Variants in DLG2 observed in about 807,000 individuals in gnomAD.
DLG2 encodes the protein disks large homolog 2.
In DLG2, 45 loss-of-function variants were observed where a neutral mutation model predicts 132.5. The ratio of observed to expected loss-of-function variants is 0.34; its 90% CI spans 0.27 to 0.44. The LOEUF (loss-of-function observed/expected upper bound fraction) is 0.44, where lower values mean the gene tolerates loss of function less well. DLG2 is among the 20% of genes least tolerant of loss of function. The pLI, the probability that DLG2 is intolerant of heterozygous loss-of-function variation, is 1.00. For missense variants in DLG2, 1,045 were observed against 1,196.9 expected (o/e 0.87, Z 1.87); for synonymous variants, 424 against 419.6 (o/e 1.01, Z -0.13).
chr11:85,430,189 T>TCA (rs1235897025), intron 3 of DLG2, among the ~76,000 whole-genome samples: 1 of 127,382 alleles, frequency 7.9e-6, no homozygotes, highest in Non-Finnish European at 1.6e-5. Flanking sequence ...AAGTGGAACA[T>TCA]CACACTCTGG....
chr11:83,716,594 A>C (rs1200110183), intron 18 of DLG2, among the ~76,000 whole-genome samples: 5 of 152,360 alleles, frequency 3.3e-5, no homozygotes, highest in Admixed American at 6.5e-5. Flanking sequence ...AATGGATCCC[A>C]AAAAAAGTAT....
chr11:85,294,147 A>G (rs889488027), intron 3 of DLG2, among the ~76,000 whole-genome samples: 2 of 152,264 alleles, frequency 1.3e-5, no homozygotes, highest in South Asian at 4.1e-4. Flanking sequence ...AGATACAGAG[A>G]TATATAGAGA....
chr11:84,307,320 G>GTT (rs1445351230), intron 7 of DLG2, among the ~76,000 whole-genome samples: 1 of 152,102 alleles, frequency 6.6e-6, no homozygotes, highest in East Asian at 1.9e-4. Flanking sequence ...ACACAAAGGG[G>GTT]AACAATAGAC....
At chr11:84,352,780 T>C (rs181036367) in intron 7 of DLG2, among the ~76,000 whole-genome samples, 12 of 152,288 alleles carry the variant, frequency 7.9e-5, no homozygotes, top group African/African-American at 2.4e-4. Context: ...AAACAGACAA[T>C]GTGGAACTTT....
At chr11:84,892,645 C>A (rs574640769) in intron 6 of DLG2, among the ~76,000 whole-genome samples, 2 of 151,826 alleles carry the variant, frequency 1.3e-5, no homozygotes, top group African/African-American at 4.8e-5. Flanking sequence ...GAATTTTTCT[C>A]CTTTAAAGAA....
chr11:84,523,573 C>T (rs2099310991), intron 7 of DLG2, among the ~76,000 whole-genome samples: 1 of 152,132 alleles, frequency 6.6e-6, no homozygotes, highest in Admixed American at 6.5e-5. Context: ...GGTTACAATT[C>T]CAGACTGTTT....
At chr11:85,440,912 C>G (rs1565495726) in intron 3 of DLG2, among the ~76,000 whole-genome samples, 1 of 152,134 alleles carries the variant, frequency 6.6e-6, no homozygotes, top group Non-Finnish European at 1.5e-5. Context: ...AATAAGATCT[C>G]AAATAGACTT....
intron 19 of DLG2, among the ~76,000 whole-genome samples, chr11:83,583,895 A>G (rs2097030185): frequency 6.6e-6 from 1 of 152,212 alleles, no homozygotes; most frequent in Non-Finnish European, 1.5e-5. Flanking sequence ...TGACACATCT[A>G]TTTCTTAATC....
intron 6 of DLG2, among the ~76,000 whole-genome samples, chr11:84,671,618 T>C: frequency 6.6e-6 from 1 of 152,180 alleles, no homozygotes; most frequent in Non-Finnish European, 1.5e-5. Context: ...CATGTGCATG[T>C]GCTCTCAGCA....
Position 84,257,578 on chromosome 11 carries a change from C to G in DLG2, c.520-6287G>C, listed in dbSNP as rs574839211. Among the ~76,000 whole-genome samples, 8 of 151,996 alleles carry G rather than the reference C, an allele frequency of 5.3e-5. No homozygotes were observed. In the South Asian group the frequency reaches 1.7e-3, roughly 32 times the overall value. Reference sequence around the variant, plus strand: ...AAATAACTTTCTCAAAGTCACACAGCTGGTAAATAGCTGGTAAATCTTCAA... The same window carrying G: ...AAATAACTTTCTCAAAGTCACACAGGTGGTAAATAGCTGGTAAATCTTCAA... On this transcript the variant is annotated intron_variant, in intron 7 of 27. Coordinates refer to ENST00000376104, the MANE Select transcript of DLG2 (RefSeq NM_001142699.3).
chr11:83,490,947 G>A (rs941190230), intron 21 of DLG2, among the ~76,000 whole-genome samples: 1 of 151,746 alleles, frequency 6.6e-6, no homozygotes, highest in African/African-American at 2.4e-5. Flanking sequence ...AACATGAGTT[G>A]GTAATTGTTG....
intron 4 of DLG2, among the ~76,000 whole-genome samples, chr11:85,161,288 C>T (rs2078010266): frequency 6.6e-6 from 1 of 152,190 alleles, no homozygotes; most frequent in African/African-American, 2.4e-5. Flanking sequence ...ACAAAGTGGC[C>T]ATGGTGGTAG....
At chr11:83,480,766 G>A (rs79947027) in intron 22 of DLG2, 18,174 of 697,936 alleles carry the variant, frequency 0.026, 1,018 homozygotes, top group East Asian at 0.21. Flanking sequence ...TCTTGACTGA[G>A]TGTTTTCTTG....
chr11:84,251,791 C>T (rs2097380159), intron 7 of DLG2, among the ~76,000 whole-genome samples: 1 of 151,892 alleles, frequency 6.6e-6, no homozygotes. Flanking sequence ...CAGGCACACA[C>T]CGCCACACCC....
At chr11:84,527,495 T>G (rs2099324961) in intron 7 of DLG2, among the ~76,000 whole-genome samples, 1 of 152,174 alleles carries the variant, frequency 6.6e-6, no homozygotes, top group Admixed American at 6.5e-5. Context: ...CCCAGTTGTC[T>G]CAGGGTATTG....
chr11:85,543,873 T>C (rs181724675), intron 3 of DLG2, among the ~76,000 whole-genome samples: 17 of 152,308 alleles, frequency 1.1e-4, no homozygotes, highest in Admixed American at 3.9e-4. Context: ...AAGTTCTTTG[T>C]AGATTTTGGA....
intron 3 of DLG2, among the ~76,000 whole-genome samples, chr11:85,570,969 T>G (rs532375320): frequency 7.9e-5 from 12 of 152,270 alleles, no homozygotes; most frequent in African/African-American, 2.9e-4. Flanking sequence ...TTTAATATTC[T>G]TATTAATACT....
chr11:85,173,064 G>A (rs920086470), intron 4 of DLG2, among the ~76,000 whole-genome samples: 16 of 152,198 alleles, frequency 1.1e-4, no homozygotes, highest in African/African-American at 3.6e-4. Flanking sequence ...TATCATCCAG[G>A]AGAACTTCCC....
intron 7 of DLG2, among the ~76,000 whole-genome samples, chr11:84,494,688 AG>A (rs775098578): frequency 1.3e-5 from 2 of 152,162 alleles, no homozygotes; most frequent in Non-Finnish European, 2.9e-5. Flanking sequence ...GGTGAGCTTC[AG>A]CTGTACTAGG....
Sources: allele counts gnomAD v4.1 joint callset (sites outside exome capture counted in the v4.1 genomes callset), GRCh38; gene constraint gnomAD v4.1.1; transcripts MANE v1.5; gene names NCBI Gene and HGNC (gene_info 2026-07-23, HGNC 2026-07-21).